CYP2C19: variants seen among roughly 807,000 people sequenced by gnomAD.
The protein encoded by CYP2C19 is cytochrome P450 2C19.
A neutral mutation model predicts 40.9 loss-of-function variants in CYP2C19; 59 were observed. The observed-to-expected ratio is 1.44, with a 90% CI of 1.17 to 1.79. CYP2C19 has a LOEUF of 1.79. Among genes scored for constraint, CYP2C19 ranks in the 40% most tolerant of loss-of-function variants. The pLI, the probability that CYP2C19 is intolerant of heterozygous loss-of-function variation, is 0.00. For synonymous variants in CYP2C19, 253 were observed against 208.7 expected (o/e 1.21, Z -1.83); for missense variants, 754 against 596.9 (o/e 1.26, Z -2.74).
intron 5 of CYP2C19, among the ~76,000 whole-genome samples, chr10:94,812,272 G>A (rs536092061): frequency 2.0e-5 from 3 of 152,278 alleles, no homozygotes; most frequent in South Asian, 2.1e-4. Context: ...TTCCCTTGGT[G>A]GTAACCCGAC....
chr10:94,780,137 C>G (rs1454276485), intron 3 of CYP2C19, among the ~76,000 whole-genome samples: 1 of 152,150 alleles, frequency 6.6e-6, no homozygotes, highest in Non-Finnish European at 1.5e-5. Flanking sequence ...CTCACCCTTT[C>G]TATCTCAGTG....
intron 5 of CYP2C19, among the ~76,000 whole-genome samples, chr10:94,802,427 A>T (rs555345731): frequency 6.6e-6 from 1 of 151,746 alleles, no homozygotes; most frequent in Non-Finnish European, 1.5e-5. Flanking sequence ...ATTGCTTTCT[A>T]TCTGCTTGGT....
chr10:94,830,241 C>T (rs1251321310), intron 6 of CYP2C19, among the ~76,000 whole-genome samples: 1 of 152,232 alleles, frequency 6.6e-6, no homozygotes, highest in Non-Finnish European at 1.5e-5. Context: ...ATGGCGGGCG[C>T]CCCTCCCCCA....
chr10:94,840,910 G>C (rs1455098911), intron 6 of CYP2C19, among the ~76,000 whole-genome samples: 1 of 152,184 alleles, frequency 6.6e-6, no homozygotes, highest in Non-Finnish European at 1.5e-5. Context: ...ACAGGTGCCT[G>C]GTATTTTCCT....
chr10:94,792,763 C>T (rs1210015292), intron 5 of CYP2C19, among the ~76,000 whole-genome samples: 2 of 152,166 alleles, frequency 1.3e-5, no homozygotes, highest in Non-Finnish European at 2.9e-5. Context: ...GTAACCCAAC[C>T]TTTCTCTCTG....
At chr10:94,778,528 C>T (rs969154266) in intron 3 of CYP2C19, among the ~76,000 whole-genome samples, 8 of 152,132 alleles carry the variant, frequency 5.3e-5, no homozygotes, top group Non-Finnish European at 2.9e-5. Flanking sequence ...AAGCTCATCA[C>T]TGGTCATTAG....
At chr10:94,832,295 C>T (rs1247320053) in intron 6 of CYP2C19, among the ~76,000 whole-genome samples, 1 of 152,136 alleles carries the variant, frequency 6.6e-6, no homozygotes, top group Non-Finnish European at 1.5e-5. Context: ...CTGGGGATGC[C>T]TCAAAATCAT....
Position 94,843,024 on chromosome 10 carries a change from G to C in CYP2C19, c.1149G>C (p.Lys383Asn), listed in dbSNP as rs772082164. 6.2e-7 allele frequency: 1 copy of C among 1,614,104 alleles called. No individual in the cohort carries two copies. Among genetic ancestry groups the C allele is most frequent in the South Asian group, 1.1e-5 (1 of 91,078 alleles). Residue 383 changes from lysine to asparagine, a missense_variant and splice_region_variant, in exon 7 of 9, where the codon AAG becomes AAC. Transcript: ENST00000371321. ...AATTCAGAAACTACCTCATTCCCAA[G>C]GTAAGTTTGTTTCTCCTACACTGCA... ...DVKFRNYLIP[K>N]GTTILTSLTS...
intron 6 of CYP2C19, among the ~76,000 whole-genome samples, chr10:94,826,202 T>C (rs1478530067): frequency 3.3e-5 from 5 of 152,032 alleles, no homozygotes; most frequent in Non-Finnish European, 5.9e-5. Context: ...AAGAAAGTCA[T>C]TGGTAGCTTG....
intron 5 of CYP2C19, among the ~76,000 whole-genome samples, chr10:94,785,809 A>G (rs984572181): frequency 3.9e-5 from 6 of 152,112 alleles, no homozygotes; most frequent in African/African-American, 1.4e-4. Flanking sequence ...AGGCATGTTC[A>G]AAATGGCAGC....
At chr10:94,765,309 AT>A (rs938256297) in intron 1 of CYP2C19, among the ~76,000 whole-genome samples, 11 of 152,036 alleles carry the variant, frequency 7.2e-5, no homozygotes, top group African/African-American at 2.4e-4. Flanking sequence ...GGCAATGTTA[AT>A]GTTGGGACTT....
intron 6 of CYP2C19, among the ~76,000 whole-genome samples, chr10:94,830,901 A>G (rs766573360): frequency 4.6e-5 from 7 of 152,136 alleles, no homozygotes; most frequent in Non-Finnish European, 1.0e-4. Flanking sequence ...TTATTGAGTT[A>G]CAAACAATTC....
chr10:94,777,856 C>G (rs1395585661), intron 3 of CYP2C19, among the ~76,000 whole-genome samples: 1 of 152,010 alleles, frequency 6.6e-6, no homozygotes, highest in Admixed American at 6.5e-5. Flanking sequence ...AGTGAACAGG[C>G]AACCTACAGA....
chr10:94,816,294 A>T (rs1849001216), intron 5 of CYP2C19, among the ~76,000 whole-genome samples: 1 of 145,740 alleles, frequency 6.9e-6, no homozygotes, highest in Non-Finnish European at 1.5e-5. Flanking sequence ...TTTATGGCAT[A>T]AGTGGGATTT....
intron 1 of CYP2C19, among the ~76,000 whole-genome samples, chr10:94,769,916 C>T (rs1310925102): frequency 6.6e-6 from 1 of 152,108 alleles, no homozygotes; most frequent in Non-Finnish European, 1.5e-5. Context: ...ATATATCCCT[C>T]CTTAATAAGG....
At chr10:94,764,040 T>A (rs1848209214) in intron 1 of CYP2C19, among the ~76,000 whole-genome samples, 1 of 152,198 alleles carries the variant, frequency 6.6e-6, no homozygotes, top group South Asian at 2.1e-4. Context: ...CTGGTGGGTT[T>A]CTGGTCTCGC....
chr10:94,767,518 A>G (rs1003585670), intron 1 of CYP2C19, among the ~76,000 whole-genome samples: 3 of 152,202 alleles, frequency 2.0e-5, no homozygotes, highest in Admixed American at 2.0e-4. Context: ...TGACTTAGGC[A>G]TATGGGTGAA....
chr10:94,831,871 A>G (rs1410578066), intron 6 of CYP2C19, among the ~76,000 whole-genome samples: 1 of 151,714 alleles, frequency 6.6e-6, no homozygotes, highest in Non-Finnish European at 1.5e-5. Context: ...CCCTTTGTTG[A>G]TTGTATCTTT....
intron 6 of CYP2C19, among the ~76,000 whole-genome samples, chr10:94,841,523 G>A (rs182515210): frequency 3.9e-5 from 6 of 152,238 alleles, no homozygotes; most frequent in Non-Finnish European, 7.4e-5. Context: ...GGACCCAAAG[G>A]GGGTTGCCCT....
Sources: gnomAD v4.1 joint callset for allele counts (sites outside exome capture counted in the v4.1 genomes callset) on GRCh38, gnomAD v4.1.1 for gene constraint, MANE v1.5 for transcripts, NCBI Gene and HGNC (gene_info 2026-07-23, HGNC 2026-07-21) for gene names.